Variants in NUP42 observed in about 807,000 individuals in gnomAD.
The protein encoded by NUP42 is nucleoporin NUP42.
NUP42 carries 47 observed loss-of-function variants against 35.9 expected under a neutral mutation model. The observed-to-expected ratio is 1.31, with a 90% confidence interval of 1.04 to 1.67. NUP42 has a LOEUF of 1.67. NUP42 is among the 40% of genes most tolerant of loss of function. NUP42 has a pLI of 0.00. For synonymous variants in NUP42, 173 were observed against 173.3 expected (o/e 1.00, Z 0.01); for missense variants, 514 against 492.2 (o/e 1.04, Z -0.42).
chr7:23,191,835 G>T (rs920238347), intron 3 of NUP42, among the ~76,000 whole-genome samples: 6 of 151,970 alleles, frequency 3.9e-5, no homozygotes, highest in Non-Finnish European at 7.4e-5. Context: ...GGGTGTGGTG[G>T]CACATTCCTA....
chr7:23,195,122 T>C (rs1303574630), intron 3 of NUP42: 3 of 152,324 alleles, frequency 2.0e-5, no homozygotes, highest in Non-Finnish European at 4.4e-5. Flanking sequence ...AATTGTATTA[T>C]AAGTCACAGG....
At chr7:23,193,264 C>G (rs929080599) in intron 3 of NUP42, among the ~76,000 whole-genome samples, 1 of 152,152 alleles carries the variant, frequency 6.6e-6, no homozygotes. Context: ...AGGAGCTGAG[C>G]GGGTTGCCAC....
chr7:23,184,600 T>C (rs1234137081), intron 1 of NUP42, among the ~76,000 whole-genome samples: 8 of 152,212 alleles, frequency 5.3e-5, no homozygotes, highest in Admixed American at 2.6e-4. Flanking sequence ...AACTACTGTA[T>C]ATAAATAAAA....
intron 3 of NUP42, among the ~76,000 whole-genome samples, chr7:23,190,828 C>T (rs1364495857): frequency 5.9e-5 from 9 of 152,162 alleles, no homozygotes; most frequent in Non-Finnish European, 7.4e-5. Context: ...AATGATACTA[C>T]TTTTGCCCCA....
At chr7:23,190,155 T>C (rs1618339) in intron 3 of NUP42, among the ~76,000 whole-genome samples, 80,113 of 152,110 alleles carry the variant, frequency 0.53, 24,742 homozygotes, top group African/African-American at 0.88. Flanking sequence ...TACCACTTGT[T>C]AAGTTTTGGT....
In NUP42 at chr7:23,200,519, G is replaced by A. The variant is rs61756129; in HGVS notation, c.1046G>A (p.Gly349Asp). The A allele has an allele frequency of 2.6e-3, 4,180 of 1,613,954 alleles. 13 individuals are homozygous for A. The highest frequency in any genetic ancestry group is 3.2e-3 in the Non-Finnish European group (3,727 of 1,179,854). The change falls in exon 7 of 7, where the codon GGC (glycine) becomes GAC (aspartate). Residue 349 changes from glycine (G) to aspartate (D), a missense_variant. Physicochemically the swap from Gly to Asp is moderately conservative, Grantham distance 94. Transcript: ENST00000258742. ...GSSVAGFGSP[G>D]SHSHTAFSKP... ...TCTGTGGCTGGTTTTGGTAGTCCGG[G>A]CTCACATTCTCACACTGCTTTTTCT...
At chr7:23,182,595 C>A (rs1408068813) in intron 1 of NUP42, 27 of 782,148 alleles carry the variant, frequency 3.5e-5, no homozygotes, top group Non-Finnish European at 3.8e-5. Flanking sequence ...TCGTGGACTT[C>A]TTTGAAAAAA....
intron 3 of NUP42, among the ~76,000 whole-genome samples, chr7:23,189,561 G>A (rs1350502442): frequency 2.6e-5 from 4 of 152,170 alleles, no homozygotes; most frequent in Non-Finnish European, 4.4e-5. Flanking sequence ...GTTATGGTGA[G>A]CTCTGATGGT....
intron 5 of NUP42, chr7:23,197,107 G>T: frequency 1.5e-6 from 1 of 682,680 alleles, no homozygotes. Flanking sequence ...TTATATGAAT[G>T]CACATTTAGA....
At chr7:23,195,939 ACTGCAATAACAGATGAG>A in intron 4 of NUP42, 24 bp downstream of exon 4, 1 of 1,409,880 alleles carries the variant, frequency 7.1e-7, no homozygotes, top group Non-Finnish European at 9.9e-7. Flanking sequence ...CTATTAATCT[ACTGCAATAACAGATGAG>A]CTCTTAATTA....
At chr7:23,186,918 A>G (rs1785613668) in intron 2 of NUP42, 134 bp from the exon 3 acceptor site, 2 of 596,928 alleles carry the variant, frequency 3.4e-6, no homozygotes, top group Non-Finnish European at 5.8e-6. Context: ...TGCTTTAAAG[A>G]ACACTCTTCA....
intron 3 of NUP42, among the ~76,000 whole-genome samples, chr7:23,190,776 C>CT (rs747233316): frequency 2.2e-4 from 33 of 152,022 alleles, no homozygotes; most frequent in Admixed American, 1.1e-3. Context: ...TACCCTAAAA[C>CT]TTAAAGTATA....
At chr7:23,193,503 G>A (rs1785886922) in intron 3 of NUP42, among the ~76,000 whole-genome samples, 1 of 152,124 alleles carries the variant, frequency 6.6e-6, no homozygotes, top group Admixed American at 6.5e-5. Flanking sequence ...TAGATACAGT[G>A]TTGATTGGTG....
At chr7:23,194,735 C>T in intron 3 of NUP42, 1 of 183,316 alleles carries the variant, frequency 5.5e-6, no homozygotes, top group Non-Finnish European at 1.2e-5. Flanking sequence ...GTTGCCCAGG[C>T]TGGAGTGCAG....
In NUP42 at chr7:23,199,376, A is replaced by C; in HGVS notation, c.610-82A>C. On this transcript the variant is annotated intron_variant, in intron 5 of 6. Coordinates refer to ENST00000258742, the MANE Select transcript of NUP42 (RefSeq NM_007342.3). ...CTTTAATGCACATTTTAAAAACTTG[A>C]ATTTGTCCATAAAGTGTATAGAAAA... The C allele has an allele frequency of 2.5e-6, 3 of 1,189,710 alleles. No homozygotes were observed. In the Admixed American group the frequency reaches 5.2e-5, roughly 21 times the overall value. The allele number at this position is 1,189,710 out of a possible 1,614,324, so 73.7% of individuals were successfully genotyped here. A position where few individuals can be genotyped will look rare whatever the true frequency, so the allele number is the denominator to read the frequency against.
chr7:23,198,205 CTTTTTTTTTTTTTTTT>C (rs1172738995), intron 5 of NUP42: 1 of 73,678 alleles, frequency 1.4e-5, no homozygotes, highest in Non-Finnish European at 2.4e-5. Context: ...CAAAAGCATT[CTTTTTTTTTTTTTTTT>C]TTTTTTTTTG....
At chr7:23,199,097 C>G (rs990791622) in intron 5 of NUP42, among the ~76,000 whole-genome samples, 4 of 152,090 alleles carry the variant, frequency 2.6e-5, no homozygotes, top group Admixed American at 1.3e-4. Context: ...TTTAACTTTG[C>G]CTTTTTTAAT....
intron 2 of NUP42, among the ~76,000 whole-genome samples, chr7:23,186,766 G>C (rs1055570489): frequency 6.6e-6 from 1 of 152,064 alleles, no homozygotes; most frequent in Non-Finnish European, 1.5e-5. Flanking sequence ...GATACCATAT[G>C]ATATGGTTAC....
chr7:23,186,314 C>T (rs2128472666), intron 2 of NUP42, among the ~76,000 whole-genome samples: 1 of 152,278 alleles, frequency 6.6e-6, no homozygotes, highest in African/African-American at 2.4e-5. Context: ...ATACCATATA[C>T]AACCGATTTT....
Sources: allele counts gnomAD v4.1 joint callset (sites outside exome capture counted in the v4.1 genomes callset), GRCh38; gene constraint gnomAD v4.1.1; transcripts MANE v1.5; gene names NCBI Gene and HGNC (gene_info 2026-07-23, HGNC 2026-07-21).